Variants in FDFT1 observed in about 807,000 individuals in gnomAD.
FDFT1 encodes squalene synthase.
Under a neutral mutation model 46.8 loss-of-function variants are expected in FDFT1, and 68 were observed. That is an observed-to-expected ratio of 1.45 (90% CI 1.19 to 1.78). FDFT1 has a LOEUF of 1.78. Ranked by LOEUF, FDFT1 falls within the 40% of genes most tolerant of loss-of-function variation. The probability of loss-of-function intolerance (pLI) is 0.00; values close to 1 mark genes in which losing one functional copy is unlikely to be tolerated. For missense variants in FDFT1, 928 were observed against 524.4 expected (o/e 1.77, Z -7.52); for synonymous variants, 351 against 185.1 (o/e 1.90, Z -7.28).
At chr8:11,833,249 G>C (rs1416776551) in intron 7 of FDFT1, among the ~76,000 whole-genome samples, 1 of 152,222 alleles carries the variant, frequency 6.6e-6, no homozygotes, top group Non-Finnish European at 1.5e-5. Context: ...TAGTGACCAA[G>C]TAGGTGGGTA....
chr8:11,809,515 T>G (rs901568082), intron 2 of FDFT1, 152 bp from the exon 3 acceptor site: 1 of 1,317,358 alleles, frequency 7.6e-7, no homozygotes, highest in East Asian at 2.7e-5. Context: ...CTAATGTAAC[T>G]TTCGTTAAGT....
chr8:11,808,466 C>A (rs1271086323), intron 1 of FDFT1: 5 of 1,286,754 alleles, frequency 3.9e-6, no homozygotes, highest in Non-Finnish European at 3.9e-6. Context: ...CGGGCGCTTC[C>A]CAGATCTGCT....
intron 4 of FDFT1, among the ~76,000 whole-genome samples, chr8:11,823,096 A>G (rs1163068435): frequency 2.0e-5 from 3 of 152,136 alleles, no homozygotes; most frequent in Admixed American, 1.3e-4. Flanking sequence ...CTGTAACTAC[A>G]GTGCATGACA....
intron 3 of FDFT1, among the ~76,000 whole-genome samples, chr8:11,812,484 A>G (rs1274512918): frequency 6.6e-6 from 1 of 152,154 alleles, no homozygotes; most frequent in Non-Finnish European, 1.5e-5. Flanking sequence ...GGAAGGGAAG[A>G]GCCTGGGATA....
chr8:11,832,791 T>A (rs1811019391), intron 7 of FDFT1, among the ~76,000 whole-genome samples: 1 of 152,024 alleles, frequency 6.6e-6, no homozygotes, highest in East Asian at 1.9e-4. Flanking sequence ...GTGATCCTGT[T>A]GAGAATGAAA....
intron 7 of FDFT1, among the ~76,000 whole-genome samples, chr8:11,833,235 G>C (rs1247719657): frequency 1.7e-4 from 26 of 152,268 alleles, no homozygotes; most frequent in African/African-American, 6.3e-4. Flanking sequence ...CTATGTGCCT[G>C]GGGTAGTGAC....
chr8:11,808,639 C>T (rs572324764), intron 1 of FDFT1, 155 bp from the exon 2 acceptor site: 56 of 1,399,302 alleles, frequency 4.0e-5, no homozygotes, highest in Middle Eastern at 1.9e-4. Flanking sequence ...TGCTGCTTGC[C>T]TCCTGCCGCC....
rs534781453 is a variant in FDFT1 at position 11,833,165 on chromosome 8, C to A, written c.1032+1495C>A. ...TAGATGAAAATATTCAGCCAGTGAC[C>A]CAAAAAATTGCTACCAATGAGACTC... On this transcript the variant is annotated intron_variant, in intron 7 of 7. Coordinates refer to ENST00000220584, the MANE Select transcript of FDFT1 (RefSeq NM_004462.5). 1.5e-4 allele frequency among the ~76,000 whole-genome samples: 23 copies of A among 152,064 alleles called. 2 individuals are homozygous for A. In the South Asian group the frequency reaches 4.6e-3, roughly 30 times the overall value.
At chr8:11,802,518 T>C, upstream of FDFT1, 3 of 524,060 alleles carry the variant, frequency 5.7e-6, no homozygotes, top group East Asian at 4.9e-5. Flanking sequence ...TCGGCCTCTT[T>C]CTCGGCCTCC....
chr8:11,803,524 A>G (rs1478056499), intron 1 of FDFT1: 1 of 1,201,646 alleles, frequency 8.3e-7, no homozygotes, highest in Non-Finnish European at 1.1e-6. Context: ...GGAAGGTCAG[A>G]ACTTGGTTTT....
At chr8:11,798,314 T>A (rs1805771547), upstream of FDFT1, among the ~76,000 whole-genome samples, 1 of 152,096 alleles carries the variant, frequency 6.6e-6, no homozygotes. Context: ...CCTGCATTGG[T>A]CTTCCCAAGT....
chr8:11,802,895 C>CGGGGGCAAGCGGAAGGTG lies in FDFT1; in HGVS notation c.64_81dup (p.Gly22_Val27dup). The CGGGGGCAAGCGGAAGGTG allele has an allele frequency of 6.2e-7, 1 of 1,611,364 alleles. No individual in the cohort carries two copies. The highest frequency in any genetic ancestry group is 2.2e-5 in the East Asian group (1 of 44,798). On this transcript the variant is annotated inframe_insertion, in exon 1 of 8. Transcript: ENST00000220584. ...TCTACAACCTGGTGCGCTTCCGGATCGGGGGCAAGCGGAAGGTGATGCCCA... is the reference window on the plus strand; with the variant it reads ...TCTACAACCTGGTGCGCTTCCGGATCGGGGGCAAGCGGAAGGTGGGGGGCAAGCGGAAGGTGATGCCCA...
Position 11,802,770 on chromosome 8 carries a change from CG to C in FDFT1, c.-61del, listed in dbSNP as rs1347206526. The stretch of plus-strand genomic sequence containing the variant: ...CACCTACTCCACAGGTCCAGCCGGC[CG>C]GTGAGCGCCTGGGGACCGCAGAGGT... On this transcript the variant is annotated 5_prime_UTR_variant, in exon 1 of 8. Transcript: ENST00000220584. 5.2e-6 allele frequency: 7 copies of C among 1,334,836 alleles called. No homozygotes were observed. The Admixed American group carries it at 5.8e-5, about 11-fold the overall frequency. The allele number at this position is 1,334,836 out of a possible 1,614,324, so 82.7% of individuals were successfully genotyped here.
At chr8:11,830,498 A>G (rs1396257857) in intron 6 of FDFT1, 78 bp downstream of exon 6, 28 of 966,762 alleles carry the variant, frequency 2.9e-5, no homozygotes, top group Non-Finnish European at 3.9e-5. Flanking sequence ...TTGCTGTGCT[A>G]TATTCAAGGA....
intron 7 of FDFT1, among the ~76,000 whole-genome samples, chr8:11,838,079 T>A (rs1381909539): frequency 1.3e-5 from 2 of 152,232 alleles, no homozygotes; most frequent in Non-Finnish European, 2.9e-5. Flanking sequence ...TTATTGGGCC[T>A]GGCACTGTGA....
chr8:11,827,435 T>G (rs970806389), intron 5 of FDFT1, among the ~76,000 whole-genome samples: 1 of 151,916 alleles, frequency 6.6e-6, no homozygotes, highest in African/African-American at 2.4e-5. Context: ...CAAGGATCCC[T>G]TGAGCGCAGG....
chr8:11,803,619 C>T (rs1021023672), intron 1 of FDFT1: 1 of 534,150 alleles, frequency 1.9e-6, no homozygotes, highest in Admixed American at 4.7e-5. Flanking sequence ...GAAAATTATT[C>T]GTACGCGATT....
intron 3 of FDFT1, among the ~76,000 whole-genome samples, chr8:11,815,007 A>G (rs896891213): frequency 2.0e-5 from 3 of 152,090 alleles, no homozygotes; most frequent in African/African-American, 7.2e-5. Flanking sequence ...TCGTAATGCT[A>G]TCCCTCCCTT....
intron 6 of FDFT1, among the ~76,000 whole-genome samples, chr8:11,831,245 G>T (rs544519888): frequency 6.6e-6 from 1 of 152,284 alleles, no homozygotes; most frequent in African/African-American, 2.4e-5. Context: ...ATTTACTTGT[G>T]TTTGCTTTTT....
Sources: allele counts gnomAD v4.1 joint callset (sites outside exome capture counted in the v4.1 genomes callset), GRCh38; gene constraint gnomAD v4.1.1; transcripts MANE v1.5; gene names NCBI Gene and HGNC (gene_info 2026-07-23, HGNC 2026-07-21).